RBFOX1: variants seen among roughly 807,000 people sequenced by gnomAD.
RBFOX1 encodes the protein RNA binding protein fox-1 homolog 1.
A neutral mutation model predicts 57.7 loss-of-function variants in RBFOX1; 8 were observed. That is an observed-to-expected ratio of 0.14 (90% CI 0.08 to 0.25). The LOEUF is 0.25. RBFOX1 is among the 10% of genes least tolerant of loss of function. The pLI is 1.00. For missense variants in RBFOX1, 611 were observed against 548.5 expected, an observed-to-expected ratio of 1.11 and a Z score of -1.14; for synonymous variants, 326 against 222.4, an observed-to-expected ratio of 1.47 and a Z score of -4.15.
At chr16:5,292,183 C>A (rs977887222) in intron 1 of RBFOX1, among the ~76,000 whole-genome samples, 1 of 152,084 alleles carries the variant, frequency 6.6e-6, no homozygotes, top group Non-Finnish European at 1.5e-5. Flanking sequence ...TTTAGATGTG[C>A]GCCAGTGTTA....
chr16:6,931,291 G>GCCTA (rs2076469504), intron 3 of RBFOX1, among the ~76,000 whole-genome samples: 3 of 124,036 alleles, frequency 2.4e-5, no homozygotes, highest in Non-Finnish European at 5.0e-5. Flanking sequence ...CTGTCTGTCT[G>GCCTA]TCTGTCTATC....
chr16:7,179,329 C>T (rs1922587), intron 4 of RBFOX1, among the ~76,000 whole-genome samples: 32,897 of 151,868 alleles, frequency 0.22, 4,333 homozygotes, highest in East Asian at 0.39. Flanking sequence ...CTCAAAGCAC[C>T]GCTTTCCCCT....
chr16:7,551,926 T>C (rs1272628825), intron 5 of RBFOX1, among the ~76,000 whole-genome samples: 1 of 152,202 alleles, frequency 6.6e-6, no homozygotes, highest in Non-Finnish European at 1.5e-5. Context: ...CCATCATTTA[T>C]GTGACAAACC....
chr16:5,441,229 C>G (rs1030501583), intron 1 of RBFOX1, among the ~76,000 whole-genome samples: 6 of 152,110 alleles, frequency 3.9e-5, no homozygotes, highest in African/African-American at 1.4e-4. Flanking sequence ...TGAGGATTTA[C>G]TCATTAACTC....
chr16:6,816,047 A>G (rs1271701010), intron 3 of RBFOX1, among the ~76,000 whole-genome samples: 1 of 152,198 alleles, frequency 6.6e-6, no homozygotes, highest in Non-Finnish European at 1.5e-5. Flanking sequence ...GCAATGGCTC[A>G]TGCGTGTCCC....
chr16:7,487,927 C>T (rs764248473), intron 4 of RBFOX1, among the ~76,000 whole-genome samples: 7 of 152,194 alleles, frequency 4.6e-5, no homozygotes, highest in Non-Finnish European at 8.8e-5. Flanking sequence ...ATAATTTCTG[C>T]TCAGGGATTC....
chr16:6,346,357 C>T (rs759657099), intron 2 of RBFOX1, among the ~76,000 whole-genome samples: 79 of 152,188 alleles, frequency 5.2e-4, no homozygotes, highest in East Asian at 1.9e-4. Flanking sequence ...TAACAAACTA[C>T]AGCCTAATTT....
At chr16:5,513,324 A>T (rs1184441937) in intron 2 of RBFOX1, among the ~76,000 whole-genome samples, 1 of 152,050 alleles carries the variant, frequency 6.6e-6, no homozygotes, top group Non-Finnish European at 1.5e-5. Context: ...TAGACTAGGG[A>T]TGTATGTTTT....
chr16:6,797,083 G>A (rs550676029), intron 3 of RBFOX1, among the ~76,000 whole-genome samples: 4 of 152,240 alleles, frequency 2.6e-5, no homozygotes, highest in Admixed American at 2.6e-4. Flanking sequence ...AATAAATAGA[G>A]TAACACATCG....
intron 2 of RBFOX1, among the ~76,000 whole-genome samples, chr16:6,617,682 G>A (rs1377458582): frequency 6.6e-6 from 1 of 152,154 alleles, no homozygotes; most frequent in Non-Finnish European, 1.5e-5. Context: ...CAGGGAGCCT[G>A]CAGTCTTGTG....
At chr16:7,255,696 A>G (rs2094648983) in intron 4 of RBFOX1, among the ~76,000 whole-genome samples, 1 of 152,256 alleles carries the variant, frequency 6.6e-6, no homozygotes, top group South Asian at 2.1e-4. Context: ...AATTAAAAAA[A>G]TAAATGCATG....
intron 4 of RBFOX1, among the ~76,000 whole-genome samples, chr16:7,394,005 G>A (rs969540046): frequency 1.3e-5 from 2 of 152,050 alleles, no homozygotes; most frequent in African/African-American, 4.8e-5. Flanking sequence ...GGAGTCCAAG[G>A]TGGGCAGATC....
At chr16:7,410,442 G>C (rs946268270) in intron 4 of RBFOX1, among the ~76,000 whole-genome samples, 2 of 152,212 alleles carry the variant, frequency 1.3e-5, no homozygotes, top group Non-Finnish European at 2.9e-5. Context: ...AGCACTTTGG[G>C]AGGCCAAGGT....
chr16:7,198,868 G>A (rs532612369), intron 4 of RBFOX1, among the ~76,000 whole-genome samples: 1 of 152,328 alleles, frequency 6.6e-6, no homozygotes, highest in Admixed American at 6.5e-5. Flanking sequence ...ACTATCAGAG[G>A]CAAAATATAG....
chr16:5,949,829 C>G (rs1478320148), intron 4 of RBFOX1, among the ~76,000 whole-genome samples: 2 of 152,110 alleles, frequency 1.3e-5, no homozygotes, highest in Non-Finnish European at 2.9e-5. Context: ...GAAGTGGGGC[C>G]CAGAAATCCA....
intron 4 of RBFOX1, among the ~76,000 whole-genome samples, chr16:5,888,617 GA>G (rs1328896179): frequency 6.6e-6 from 1 of 151,964 alleles, no homozygotes; most frequent in East Asian, 1.9e-4. Context: ...CCAACATGGG[GA>G]AACCTCGTCT....
At chr16:6,101,712 AG>A (rs2096311203) in intron 1 of RBFOX1, among the ~76,000 whole-genome samples, 2 of 152,204 alleles carry the variant, frequency 1.3e-5, no homozygotes. Context: ...ACCTGAGGTC[AG>A]GAATTTGAGA....
intron 5 of RBFOX1, among the ~76,000 whole-genome samples, chr16:7,522,143 G>T (rs1191343437): frequency 3.3e-5 from 5 of 152,222 alleles, no homozygotes; most frequent in Non-Finnish European, 7.3e-5. Context: ...TTTCATCAGA[G>T]TTCATGATGA....
At chr16:7,639,952 C>G (rs2062488308) in intron 11 of RBFOX1, among the ~76,000 whole-genome samples, 1 of 152,168 alleles carries the variant, frequency 6.6e-6, no homozygotes, top group Non-Finnish European at 1.5e-5. Context: ...TGGTGAACTC[C>G]AGAGATTATT....
Sources: gnomAD v4.1 joint callset for allele counts (sites outside exome capture counted in the v4.1 genomes callset) on GRCh38, gnomAD v4.1.1 for gene constraint, MANE v1.5 for transcripts, NCBI Gene and HGNC (gene_info 2026-07-23, HGNC 2026-07-21) for gene names.